The following SLC37A2 variants were observed in gnomAD, a reference collection of about 807,000 sequenced individuals.
SLC37A2 encodes the protein glucose-6-phosphate exchanger SLC37A2.
SLC37A2 carries 59 observed loss-of-function variants against 70.7 expected under a neutral mutation model. The ratio of observed to expected loss-of-function variants is 0.83; its 90% confidence interval spans 0.68 to 1.04. SLC37A2 has a LOEUF of 1.04. Ranked by LOEUF, SLC37A2 falls within the 50% of genes least tolerant of loss-of-function variation. The pLI, the probability that SLC37A2 is intolerant of heterozygous loss-of-function variation, is 0.00. For missense variants in SLC37A2, 580 were observed against 658.1 expected (o/e 0.88, Z 1.30); for synonymous variants, 257 against 262.1 (o/e 0.98, Z 0.19).
intron 1 of SLC37A2, among the ~76,000 whole-genome samples, chr11:125,068,260 G>A (rs565445967): frequency 3.3e-5 from 5 of 152,248 alleles, no homozygotes; most frequent in African/African-American, 1.2e-4. Context: ...AAGTCAGATG[G>A]GTTCTTGAGG....
chr11:125,087,506 A>G (rs754520581), intron 17 of SLC37A2: 67 of 153,410 alleles, frequency 4.4e-4, no homozygotes, highest in Non-Finnish European at 8.9e-4. Flanking sequence ...ATCTTTATGT[A>G]TGAATGGGGA....
chr11:125,089,876 G>A lies in SLC37A2; in HGVS notation c.*1742G>A, dbSNP rs868215742. On this transcript the variant is annotated 3_prime_UTR_variant, in exon 18 of 18. Transcript: ENST00000403796. ...CCATCGACCACCCAAGGGCTGAGGA[G>A]TGCGAGCGCACGGCGCGGGACTGGC... is the stretch of plus-strand genomic sequence containing the variant. 3.6e-5 allele frequency: 6 copies of A among 166,330 alleles called. No homozygotes were observed. The East Asian group carries it at 5.6e-4, about 16-fold the overall frequency. 10.3% of individuals were successfully genotyped at this position (166,330 alleles called of 1,614,324 possible). A position where few individuals can be genotyped will look rare whatever the true frequency, so the allele number is the denominator to read the frequency against.
chr11:125,085,806 A>C (rs1591635422), intron 16 of SLC37A2, 132 bp downstream of exon 16: 4 of 1,244,070 alleles, frequency 3.2e-6, no homozygotes. Flanking sequence ...GCTCAGAAGC[A>C]CTCTCCCTCC....
Position 125,084,332 on chromosome 11 carries a change from C to G in SLC37A2, c.1125+13C>G. ...GGCTGCCCCCATGGTGCGTATAACC[C>G]CGAGGGTGAAGTGCGAATGCATGTG... On this transcript the variant is annotated intron_variant, in intron 12 of 17. Transcript: ENST00000403796. 6.2e-7 allele frequency: 1 copy of G among 1,614,026 alleles called. No homozygotes were observed. The highest frequency in any genetic ancestry group is 8.5e-7 in the Non-Finnish European group (1 of 1,179,864).
At chr11:125,071,146 G>A (rs1034011212) in intron 1 of SLC37A2, among the ~76,000 whole-genome samples, 2 of 152,106 alleles carry the variant, frequency 1.3e-5, no homozygotes, top group African/African-American at 4.8e-5. Flanking sequence ...GTGGGGTGGG[G>A]GGGCGGTGTC....
In SLC37A2 at chr11:125,080,069, T is replaced by G. The variant is rs770134572; in HGVS notation, c.527+309T>G. Among the ~76,000 whole-genome samples the G allele has an allele frequency of 2.6e-5, 4 of 152,194 alleles. No individual in the cohort carries two copies. Among genetic ancestry groups the G allele is most frequent in the Non-Finnish European group, 4.4e-5 (3 of 68,040 alleles). On this transcript the variant is annotated intron_variant, in intron 6 of 17. Coordinates refer to ENST00000403796, the MANE Select transcript of SLC37A2 (RefSeq NM_001145290.2). This position sits in a 1 kb window ranked among gnomAD's most constrained non-coding sequence, Gnocchi z 4.3. ...AACCCCGACCCCGAATTGGCTTGTG[T>G]GCAAAACAAAGTTGCTTTGGAGAAG...
intron 2 of SLC37A2, 50 bp downstream of exon 2, chr11:125,076,888 C>T (rs374545693): frequency 7.2e-5 from 114 of 1,576,468 alleles, no homozygotes; most frequent in South Asian, 8.9e-5. Context: ...CTGTCGTAAC[C>T]GTCCTTACCC....
chr11:125,065,099 T>A (rs1221802722), intron 1 of SLC37A2, among the ~76,000 whole-genome samples: 2 of 152,218 alleles, frequency 1.3e-5, no homozygotes, highest in East Asian at 3.8e-4. Flanking sequence ...GGCTTCTCAG[T>A]TACCTACCAC....
At position 125,079,625 on chromosome 11, in the gene SLC37A2, G is replaced by A. The variant is rs114326252; in HGVS notation, c.451-59G>A. The A allele has an allele frequency of 5.4e-4, 764 of 1,407,652 alleles. 6 individuals are homozygous for A. In the African/African-American group the frequency reaches 9.6e-3, roughly 18 times the overall value. The allele number at this position is 1,407,652 out of a possible 1,614,324, so 87.2% of individuals were successfully genotyped here. Reference sequence around the variant, plus strand: ...ACCTCCTCAGCCCAGGGTGGTCAGAGCAGGGAGCCAGTCGCACAGCCCAGG... The same window carrying A: ...ACCTCCTCAGCCCAGGGTGGTCAGAACAGGGAGCCAGTCGCACAGCCCAGG... On this transcript the variant is annotated intron_variant, in intron 5 of 17. Transcript: ENST00000403796.
In SLC37A2 at chr11:125,063,467, G is replaced by A; in HGVS notation, c.59+41G>A. The A allele has an allele frequency of 3.8e-6, 6 of 1,583,094 alleles. No homozygotes were observed. The highest frequency in any genetic ancestry group is 4.3e-6 in the Non-Finnish European group (5 of 1,163,020). ...GAGGGAGGCGTGCCGGGACCTCCTGGGCTCGGGGCTTGCAGGGGCCGCGGG... is the reference window on the plus strand; with the variant it reads ...GAGGGAGGCGTGCCGGGACCTCCTGAGCTCGGGGCTTGCAGGGGCCGCGGG... On this transcript the variant is annotated intron_variant, in intron 1 of 17. Coordinates refer to ENST00000403796, the MANE Select transcript of SLC37A2 (RefSeq NM_001145290.2). This position sits in a 1 kb window ranked among gnomAD's most constrained non-coding sequence, Gnocchi z 5.4.
At position 125,080,819 on chromosome 11, in the gene SLC37A2, G is replaced by A. The variant is rs755005408; in HGVS notation, c.694+39G>A. On this transcript the variant is annotated intron_variant, in intron 7 of 17. Transcript: ENST00000403796. This position sits in a 1 kb window ranked among gnomAD's most constrained non-coding sequence, Gnocchi z 4.3. ...TCACTCCCCACAAGTGAGCCTAGAAGTTCTCGGTTTCTGGGAGAAGGCAGC... is the reference window on the plus strand; with the variant it reads ...TCACTCCCCACAAGTGAGCCTAGAAATTCTCGGTTTCTGGGAGAAGGCAGC... 123 of 1,355,166 alleles carry A rather than the reference G, an allele frequency of 9.1e-5. 1 individual carries two copies. The highest frequency in any genetic ancestry group is 1.2e-4 in the Non-Finnish European group (122 of 1,043,646). 83.9% of individuals were successfully genotyped at this position (1,355,166 alleles called of 1,614,324 possible). A position where few individuals can be genotyped will look rare whatever the true frequency, so the allele number is the denominator to read the frequency against.
At position 125,080,388 on chromosome 11, in the gene SLC37A2, C is replaced by T. The variant is rs1949133516; in HGVS notation, c.528-226C>T. 6.6e-6 allele frequency among the ~76,000 whole-genome samples: 1 copy of T among 152,218 alleles called. No individual in the cohort carries two copies. Among genetic ancestry groups the T allele is most frequent in the African/African-American group, 2.4e-5 (1 of 41,468 alleles). On this transcript the variant is annotated intron_variant, in intron 6 of 17. Coordinates refer to ENST00000403796, the MANE Select transcript of SLC37A2 (RefSeq NM_001145290.2). The surrounding 1 kb of genome is among the most constrained non-coding windows in gnomAD (Gnocchi z 4.3). ...TGGCTAGAGCTCCCATCGGCACTCACTCAGGGAGCTGGGCAGGCGGAGCGA... is the reference window on the plus strand; with the variant it reads ...TGGCTAGAGCTCCCATCGGCACTCATTCAGGGAGCTGGGCAGGCGGAGCGA...
At chr11:125,081,980 G>T in intron 9 of SLC37A2, 74 bp downstream of exon 9, 1 of 1,488,724 alleles carries the variant, frequency 6.7e-7, no homozygotes, top group Non-Finnish European at 9.0e-7. Flanking sequence ...GAGATGGGGT[G>T]CTTGGGTGAT....
At chr11:125,065,117 A>G (rs911825409) in intron 1 of SLC37A2, among the ~76,000 whole-genome samples, 8 of 152,328 alleles carry the variant, frequency 5.3e-5, no homozygotes, top group African/African-American at 1.9e-4. Flanking sequence ...CACTTCAAAG[A>G]ATTTTAAAAT....
rs942684906 is a variant in SLC37A2 at position 125,089,406 on chromosome 11, G to A, written c.*1272G>A. ...CTCCCACTTTGGCGGCACTTGAGGA[G>A]CCCTTCAGCCCACCGCTGCACTGTG... On this transcript the variant is annotated 3_prime_UTR_variant, in exon 18 of 18. Coordinates refer to ENST00000403796, the MANE Select transcript of SLC37A2 (RefSeq NM_001145290.2). 2.6e-5 allele frequency: 4 copies of A among 153,656 alleles called. No individual in the cohort carries two copies. Among genetic ancestry groups the A allele is most frequent in the African/African-American group, 9.9e-5 (4 of 40,378 alleles). 9.5% of individuals were successfully genotyped at this position (153,656 alleles called of 1,614,324 possible).
In SLC37A2 at chr11:125,085,666, G is replaced by T; in HGVS notation, c.1417G>T (p.Ala473Ser). 1 of 1,612,840 alleles carries T rather than the reference G, an allele frequency of 6.2e-7. No individual in the cohort carries two copies. The highest frequency in any genetic ancestry group is 8.5e-7 in the Non-Finnish European group (1 of 1,179,998). ...FYMLISADVL[A>S]CLLLCRLVYK... ...CATGCTCATCTCTGCCGACGTCCTAGCCTGCTTGGTAAGAGTCTTGGGGTA... is the reference window on the plus strand; with the variant it reads ...CATGCTCATCTCTGCCGACGTCCTATCCTGCTTGGTAAGAGTCTTGGGGTA... The change falls in exon 16 of 18, where the codon GCC becomes TCC. Residue 473 changes from alanine (A) to serine (S), a missense_variant. Physicochemically the swap from Ala to Ser is moderately conservative, Grantham distance 99. Transcript: ENST00000403796.
At position 125,083,983 on chromosome 11, in the gene SLC37A2, C is replaced by A; in HGVS notation, c.1039+106C>A. The A allele has an allele frequency of 8.4e-7, 1 of 1,187,796 alleles. No individual in the cohort carries two copies. The highest frequency in any genetic ancestry group is 1.2e-6 in the Non-Finnish European group (1 of 812,958). The allele number at this position is 1,187,796 out of a possible 1,614,324, so 73.6% of individuals were successfully genotyped here. ...GGGCTATGACCTGGGTAGGTGGCAC[C>A]AGAGGAAAAATGGCTCCTGGGTTTA... On this transcript the variant is annotated intron_variant, in intron 11 of 17. Coordinates refer to ENST00000403796, the MANE Select transcript of SLC37A2 (RefSeq NM_001145290.2). The surrounding 1 kb of genome is among the most constrained non-coding windows in gnomAD (Gnocchi z 4.6).
intron 1 of SLC37A2, among the ~76,000 whole-genome samples, chr11:125,065,343 C>A (rs570264881): frequency 6.6e-6 from 1 of 152,064 alleles, no homozygotes; most frequent in East Asian, 1.9e-4. Flanking sequence ...TACCATATAC[C>A]CCTTGTTAAG....
intron 17 of SLC37A2, chr11:125,086,835 G>A (rs1417133221): frequency 1.8e-5 from 3 of 167,640 alleles, no homozygotes; most frequent in East Asian, 3.5e-4. Context: ...CAAGGAGGCC[G>A]CTAATGAGCT....
Sources: allele counts gnomAD v4.1 joint callset (sites outside exome capture counted in the v4.1 genomes callset), GRCh38; gene constraint gnomAD v4.1.1; non-coding constraint Gnocchi (gnomAD v3.1); transcripts MANE v1.5; gene names NCBI Gene and HGNC (gene_info 2026-07-23, HGNC 2026-07-21).